PHACTR1: variants seen among roughly 807,000 people sequenced by gnomAD.
PHACTR1 encodes RPEL repeat containing 1.
In PHACTR1, 16 loss-of-function variants were observed where a neutral mutation model predicts 69.2. The ratio of observed to expected loss-of-function variants is 0.23; its 90% CI spans 0.16 to 0.35. The LOEUF (loss-of-function observed/expected upper bound fraction) is 0.35. Among genes scored for constraint, PHACTR1 ranks in the 10% least tolerant of loss-of-function variants. PHACTR1 has a pLI of 1.00. For missense variants in PHACTR1, 510 were observed against 734.7 expected (o/e 0.69, Z 3.54); for synonymous variants, 312 against 284.5 (o/e 1.10, Z -0.97).
chr6:13,284,566 A>ATG (rs1781188038), intron 13 of PHACTR1, among the ~76,000 whole-genome samples: 1 of 121,160 alleles, frequency 8.3e-6, no homozygotes, highest in Non-Finnish European at 1.6e-5. Flanking sequence ...ATATATATAT[A>ATG]TATAGATACA....
intron 5 of PHACTR1, among the ~76,000 whole-genome samples, chr6:13,113,566 A>G (rs182547144): frequency 6.6e-6 from 1 of 152,344 alleles, no homozygotes; most frequent in East Asian, 1.9e-4. Flanking sequence ...CTCATGATTA[A>G]CAACCAATGC....
At chr6:13,005,194 C>CTTT (rs201204059) in intron 4 of PHACTR1, among the ~76,000 whole-genome samples, 1 of 147,828 alleles carries the variant, frequency 6.8e-6, no homozygotes, top group Non-Finnish European at 1.5e-5. Flanking sequence ...TCTCTTTTTT[C>CTTT]TTTCTTTTTT....
At chr6:12,730,718 C>T (rs886884150) in intron 3 of PHACTR1, among the ~76,000 whole-genome samples, 2 of 152,048 alleles carry the variant, frequency 1.3e-5, no homozygotes, top group African/African-American at 4.8e-5. Context: ...AGCCTAGTAC[C>T]CATTTGTTAT....
chr6:13,039,481 G>C (rs1351564302), intron 4 of PHACTR1, among the ~76,000 whole-genome samples: 2 of 152,168 alleles, frequency 1.3e-5, no homozygotes, highest in Non-Finnish European at 2.9e-5. Context: ...GGACAGCCAA[G>C]ATTGATATTT....
chr6:13,048,822 G>A (rs1419210568), intron 4 of PHACTR1, among the ~76,000 whole-genome samples: 6 of 152,134 alleles, frequency 3.9e-5, no homozygotes, highest in African/African-American at 1.4e-4. Context: ...GTGAGCCACC[G>A]CACCAAGCCT....
chr6:12,861,065 T>C (rs1780890488), intron 4 of PHACTR1, among the ~76,000 whole-genome samples: 1 of 152,240 alleles, frequency 6.6e-6, no homozygotes, highest in African/African-American at 2.4e-5. Flanking sequence ...CACACAGTTT[T>C]TGATGTGTTA....
At chr6:12,762,511 C>T (rs1328301644) in intron 4 of PHACTR1, among the ~76,000 whole-genome samples, 1 of 152,132 alleles carries the variant, frequency 6.6e-6, no homozygotes, top group Non-Finnish European at 1.5e-5. Context: ...TTCACAATAG[C>T]TAAATCTTTT....
intron 4 of PHACTR1, among the ~76,000 whole-genome samples, chr6:13,005,217 T>C (rs1279059638): frequency 8.6e-5 from 13 of 151,634 alleles, no homozygotes; most frequent in African/African-American, 3.1e-4. Flanking sequence ...TTAGACAAGT[T>C]CTCACCGTTG....
At chr6:13,207,131 A>G (rs186094378) in intron 8 of PHACTR1, among the ~76,000 whole-genome samples, 3 of 152,352 alleles carry the variant, frequency 2.0e-5, no homozygotes, top group Admixed American at 6.5e-5. Context: ...TTTTGTGGAA[A>G]AATGTATACG....
At chr6:13,159,293 C>T (rs3864308) in intron 5 of PHACTR1, among the ~76,000 whole-genome samples, 18,195 of 152,184 alleles carry the variant, frequency 0.12, 2,613 homozygotes, top group African/African-American at 0.35. Context: ...GTGGAGGGGC[C>T]GTGCCATGGA....
chr6:12,868,041 C>T (rs982819843), intron 4 of PHACTR1, among the ~76,000 whole-genome samples: 1 of 152,036 alleles, frequency 6.6e-6, no homozygotes, highest in South Asian at 2.1e-4. Context: ...GGGCAGATCA[C>T]GAGGTCAGGA....
chr6:13,248,486 A>G (rs1773899876), intron 10 of PHACTR1, among the ~76,000 whole-genome samples: 1 of 152,198 alleles, frequency 6.6e-6, no homozygotes, highest in Admixed American at 6.5e-5. Flanking sequence ...ATTCTATGGA[A>G]CATGTTTTGA....
intron 5 of PHACTR1, among the ~76,000 whole-genome samples, chr6:13,130,341 A>C (rs903090921): frequency 6.6e-6 from 1 of 152,146 alleles, no homozygotes; most frequent in East Asian, 1.9e-4. Context: ...TTGAAACAAA[A>C]AAAATTACAA....
At chr6:12,729,944 C>G (rs1018011262) in intron 3 of PHACTR1, among the ~76,000 whole-genome samples, 1 of 152,012 alleles carries the variant, frequency 6.6e-6, no homozygotes, top group East Asian at 1.9e-4. Context: ...TGGGCCTGCT[C>G]GGTGAATGAT....
chr6:13,092,956 A>G (rs1455859339), intron 5 of PHACTR1, among the ~76,000 whole-genome samples: 1 of 152,218 alleles, frequency 6.6e-6, no homozygotes, highest in Non-Finnish European at 1.5e-5. Flanking sequence ...ATAGGCATCT[A>G]GAGGAGATTA....
intron 4 of PHACTR1, among the ~76,000 whole-genome samples, chr6:12,981,763 A>G (rs905867781): frequency 2.6e-5 from 4 of 152,234 alleles, no homozygotes; most frequent in Non-Finnish European, 4.4e-5. Flanking sequence ...CAAACCATGT[A>G]TAAGTGGGCA....
chr6:12,872,544 T>G (rs1170742912), intron 4 of PHACTR1, among the ~76,000 whole-genome samples: 2 of 152,134 alleles, frequency 1.3e-5, no homozygotes, highest in African/African-American at 4.8e-5. Flanking sequence ...ATTACTCAAC[T>G]CTCCATGTAT....
intron 12 of PHACTR1, among the ~76,000 whole-genome samples, chr6:13,282,159 T>C (rs1305163858): frequency 6.6e-6 from 1 of 152,228 alleles, no homozygotes; most frequent in Non-Finnish European, 1.5e-5. Context: ...GTGTTTGTTT[T>C]ACGGGCCTGA....
chr6:13,087,599 C>T (rs1366138226), intron 5 of PHACTR1, among the ~76,000 whole-genome samples: 2 of 151,068 alleles, frequency 1.3e-5, no homozygotes, highest in Non-Finnish European at 2.9e-5. Context: ...ATCTAATATT[C>T]ATGATTTAAA....
Sources: allele counts gnomAD v4.1 joint callset (sites outside exome capture counted in the v4.1 genomes callset), GRCh38; gene constraint gnomAD v4.1.1; transcripts MANE v1.5; gene names NCBI Gene and HGNC (gene_info 2026-07-23, HGNC 2026-07-21).